Variants in ESRRG observed in about 807,000 individuals in gnomAD.
ESRRG encodes estrogen-related receptor gamma.
Under a neutral mutation model 44.0 loss-of-function variants are expected in ESRRG, and 13 were observed. That is an observed-to-expected ratio of 0.30 (90% CI 0.19 to 0.47). ESRRG has a LOEUF of 0.47. Ranked by LOEUF, ESRRG falls within the 20% of genes least tolerant of loss-of-function variation. The pLI is 1.00. For missense variants in ESRRG, 395 were observed against 580.6 expected, an observed-to-expected ratio of 0.68 and a Z score of 3.29; for synonymous variants, 215 against 214.6, an observed-to-expected ratio of 1.00 and a Z score of -0.02.
intron 1 of ESRRG, among the ~76,000 whole-genome samples, chr1:217,120,606 T>A (rs557856178): frequency 6.6e-6 from 1 of 152,280 alleles, no homozygotes; most frequent in Admixed American, 6.5e-5. Flanking sequence ...CCTTATCCTG[T>A]ACCTCACTCT....
chr1:217,132,762 C>T (rs2092983220), intron 1 of ESRRG, among the ~76,000 whole-genome samples: 1 of 152,032 alleles, frequency 6.6e-6, no homozygotes, highest in African/African-American at 2.4e-5. Context: ...CCGTCCTTGC[C>T]TCGTTTTGGG....
intron 1 of ESRRG, among the ~76,000 whole-genome samples, chr1:216,952,693 C>T (rs943576456): frequency 1.3e-5 from 2 of 152,068 alleles, no homozygotes; most frequent in Admixed American, 1.3e-4. Flanking sequence ...AAAATACATG[C>T]ATAACAAAGA....
intron 1 of ESRRG, among the ~76,000 whole-genome samples, chr1:217,005,599 G>A (rs11809930): frequency 0.12 from 18,961 of 151,846 alleles, 1,960 homozygotes; most frequent in African/African-American, 0.28. Context: ...CAACCAAAGA[G>A]GTAGTTCTGC....
chr1:216,699,775 C>T (rs116628452), intron 1 of ESRRG, among the ~76,000 whole-genome samples: 1,539 of 152,212 alleles, frequency 0.01, 25 homozygotes, highest in African/African-American at 0.035. Context: ...TACAAATTAC[C>T]TCTTGCTGAA....
chr1:216,661,149 T>C (rs1000821941), intron 2 of ESRRG, among the ~76,000 whole-genome samples: 3 of 152,230 alleles, frequency 2.0e-5, no homozygotes, highest in Admixed American at 2.0e-4. Flanking sequence ...AAAAGGCAAC[T>C]GTTTTTTACA....
At chr1:216,982,127 G>C (rs1425768476) in intron 1 of ESRRG, among the ~76,000 whole-genome samples, 1 of 152,018 alleles carries the variant, frequency 6.6e-6, no homozygotes, top group Non-Finnish European at 1.5e-5. Flanking sequence ...TTTAAAGATG[G>C]GTGATTTTTA....
At chr1:216,535,882 G>T (rs2050796473) in intron 5 of ESRRG, among the ~76,000 whole-genome samples, 1 of 151,966 alleles carries the variant, frequency 6.6e-6, no homozygotes, top group Admixed American at 6.6e-5. Flanking sequence ...TGACAAAATG[G>T]TGTACATGCA....
chr1:216,572,576 A>T (rs1052404990), intron 3 of ESRRG, among the ~76,000 whole-genome samples: 19 of 152,060 alleles, frequency 1.2e-4, no homozygotes, highest in South Asian at 4.2e-4. Context: ...GAAAAAAAAA[A>T]TTTTAAAAAT....
At chr1:216,803,492 A>C (rs1010240034) in intron 2 of ESRRG, among the ~76,000 whole-genome samples, 19 of 152,180 alleles carry the variant, frequency 1.2e-4, no homozygotes, top group Non-Finnish European at 2.8e-4. Context: ...GAACTGCCAC[A>C]ATCACAACGG....
chr1:216,683,908 T>G (rs1456950507), intron 1 of ESRRG, among the ~76,000 whole-genome samples: 2 of 152,188 alleles, frequency 1.3e-5, no homozygotes, highest in Non-Finnish European at 2.9e-5. Context: ...AAATCCGAGG[T>G]AAACCAGGAT....
At chr1:216,994,906 T>C (rs553767103) in intron 1 of ESRRG, among the ~76,000 whole-genome samples, 61 of 152,256 alleles carry the variant, frequency 4.0e-4, no homozygotes, top group African/African-American at 1.4e-3. Context: ...CTTCTAAATT[T>C]GCCTACAACC....
chr1:216,663,412 G>C (rs1018932538), intron 2 of ESRRG, among the ~76,000 whole-genome samples: 8 of 152,030 alleles, frequency 5.3e-5, no homozygotes, highest in Non-Finnish European at 1.2e-4. Context: ...TATGTATTCA[G>C]ATTCATTCTA....
chr1:216,912,167 AAAGAAAAGAAAAGAAAAG>A (rs879350952), intron 2 of ESRRG, among the ~76,000 whole-genome samples: 8,567 of 43,836 alleles, frequency 0.2, 1,251 homozygotes, highest in East Asian at 0.25. Flanking sequence ...AAAGAAAAGA[AAAGAAAAGAAAAGAAAAG>A]GAGAGGAGAG....
intron 3 of ESRRG, among the ~76,000 whole-genome samples, chr1:216,612,754 C>T (rs933982349): frequency 2.0e-5 from 3 of 152,280 alleles, no homozygotes; most frequent in Non-Finnish European, 4.4e-5. Flanking sequence ...CTTATTTAAC[C>T]TAAAAGCTCA....
intron 1 of ESRRG, among the ~76,000 whole-genome samples, chr1:217,096,953 G>C (rs1445824965): frequency 6.6e-6 from 1 of 152,162 alleles, no homozygotes; most frequent in Admixed American, 6.5e-5. Context: ...ATGGAAAAAA[G>C]CTGGGCTAGC....
chr1:217,051,765 C>CA (rs772343445), intron 1 of ESRRG, among the ~76,000 whole-genome samples: 16 of 152,088 alleles, frequency 1.1e-4, no homozygotes, highest in Non-Finnish European at 1.6e-4. Context: ...CTCCCATCCC[C>CA]ATACTCCTTT....
chr1:216,781,295 G>A (rs1414070895), intron 2 of ESRRG, among the ~76,000 whole-genome samples: 1 of 151,576 alleles, frequency 6.6e-6, no homozygotes, highest in African/African-American at 2.4e-5. Flanking sequence ...AAAAAAAATC[G>A]CTTGCCTCAA....
intron 2 of ESRRG, among the ~76,000 whole-genome samples, chr1:216,938,553 GC>G (rs554986451): frequency 9.2e-5 from 14 of 152,302 alleles, no homozygotes; most frequent in African/African-American, 3.1e-4. Flanking sequence ...CAACCTGGGT[GC>G]CATGAAAAAG....
chr1:217,044,168 T>C (rs1050462513), intron 1 of ESRRG, among the ~76,000 whole-genome samples: 2 of 152,166 alleles, frequency 1.3e-5, no homozygotes, highest in Admixed American at 6.5e-5. Context: ...GTCTTCTTCC[T>C]CCATAGGATG....
Sources: gnomAD v4.1 joint callset for allele counts (sites outside exome capture counted in the v4.1 genomes callset) on GRCh38, gnomAD v4.1.1 for gene constraint, MANE v1.5 for transcripts, NCBI Gene and HGNC (gene_info 2026-07-23, HGNC 2026-07-21) for gene names.